HID1: variants seen among roughly 807,000 people sequenced by gnomAD.
The protein encoded by HID1 is protein HID1.
HID1 carries 42 observed loss-of-function variants against 89.7 expected under a neutral mutation model. The ratio of observed to expected loss-of-function variants is 0.47; its 90% CI spans 0.37 to 0.61. The LOEUF (loss-of-function observed/expected upper bound fraction) is 0.61. Ranked by LOEUF, HID1 falls within the 20% of genes least tolerant of loss-of-function variation. The pLI, the probability that HID1 is intolerant of heterozygous loss-of-function variation, is 0.00. For synonymous variants in HID1, 442 were observed against 433.8 expected, an observed-to-expected ratio of 1.02 and a Z score of -0.24; for missense variants, 854 against 1,039.3, an observed-to-expected ratio of 0.82 and a Z score of 2.45.
intron 13 of HID1, among the ~76,000 whole-genome samples, chr17:74,955,220 A>T (rs1345149850): frequency 6.6e-6 from 1 of 152,216 alleles, no homozygotes; most frequent in African/African-American, 2.4e-5. Flanking sequence ...TAAGATACCC[A>T]TCAGGGACTT....
In HID1 at chr17:74,961,931, C is replaced by T. The variant is rs779085194; in HGVS notation, c.670G>A (p.Ala224Thr). The T allele has an allele frequency of 2.1e-5, 33 of 1,603,982 alleles. No homozygotes were observed. The highest frequency in any genetic ancestry group is 2.8e-5 in the Non-Finnish European group (33 of 1,175,194). ...CFSEAMYLPPAPESGSTNPWV... is the reference protein window; with the variant it reads ...CFSEAMYLPPTPESGSTNPWV... ...GGGTTGGTGCTGCCACTTTCCGGAG[C>T]TGGGGGCAGGTACATGGCCTCGGAG... The change falls in exon 6 of 19, where the codon GCT (alanine) becomes ACT (threonine). Residue 224 changes from alanine (A) to threonine (T), a missense_variant. Ala to Thr is a moderately conservative substitution (Grantham distance 58). Coordinates refer to ENST00000425042, the MANE Select transcript of HID1 (RefSeq NM_030630.3).
chr17:74,955,027 C>CA, intron 13 of HID1: 1 of 157,264 alleles, frequency 6.4e-6, no homozygotes, highest in Admixed American at 6.0e-5. Flanking sequence ...GTTATTTTGC[C>CA]CCATCTTCCC....
Position 74,954,367 on chromosome 17 carries a change from T to C in HID1, c.1637-2A>G. The C allele has an allele frequency of 6.4e-7, 1 of 1,560,446 alleles. No individual in the cohort carries two copies. Among genetic ancestry groups the C allele is most frequent in the Non-Finnish European group, 8.7e-7 (1 of 1,152,516 alleles). On this transcript the variant is annotated splice_acceptor_variant, in intron 13 of 18. Transcript: ENST00000425042. LOFTEE classifies it high-confidence loss of function. ...TGGCGTAGACCAGGTTGGAGTTGCC[T>C]GTGGGCAGGGAGCATGCCTCGCCTC...
Position 74,960,142 on chromosome 17 carries a change from G to T in HID1, c.835C>A (p.Pro279Thr). ...NHLLFSDYRE[P>T]LVEEAAQVLI... ...ACCTGGGCAGCCTCCTCCACCAGGG[G>T]TTCCCGGTAGTCAGAGAAGAGCAGG... Residue 279 changes from proline to threonine, a missense_variant, in exon 7 of 19, where the codon CCC (proline) becomes ACC (threonine). Coordinates refer to ENST00000425042, the MANE Select transcript of HID1 (RefSeq NM_030630.3). The T allele has an allele frequency of 6.2e-7, 1 of 1,614,088 alleles. No individual in the cohort carries two copies. Among genetic ancestry groups the T allele is most frequent in the South Asian group, 1.1e-5 (1 of 91,086 alleles).
Position 74,962,179 on chromosome 17 carries a change from G to C in HID1, c.611+55C>G, listed in dbSNP as rs753547809. On this transcript the variant is annotated intron_variant, in intron 5 of 18. Transcript: ENST00000425042. This position sits in a 1 kb window ranked among gnomAD's most constrained non-coding sequence, Gnocchi z 4.3. ...CCCATGGGCTTTCTGAGCTGTGCGG[G>C]GGCCCGGCCCGGGGTCCAGCTGCAT... 4 of 1,455,410 alleles carry C rather than the reference G, an allele frequency of 2.7e-6. No homozygotes were observed. Among genetic ancestry groups the C allele is most frequent in the Non-Finnish European group, 3.8e-6 (4 of 1,051,418 alleles). 90.2% of individuals were successfully genotyped at this position (1,455,410 alleles called of 1,614,324 possible). A position where few individuals can be genotyped will look rare whatever the true frequency, so the allele number is the denominator to read the frequency against.
At chr17:74,969,638 G>A (rs900354171) in intron 1 of HID1, among the ~76,000 whole-genome samples, 47 of 151,966 alleles carry the variant, frequency 3.1e-4, no homozygotes, top group African/African-American at 9.4e-4. Context: ...GTCTTGCTCC[G>A]TTGCCCAGAC....
Position 74,962,439 on chromosome 17 carries a change from G to T in HID1, c.505-99C>A. 1 of 689,286 alleles carries T rather than the reference G, an allele frequency of 1.5e-6. No homozygotes were observed. The highest frequency in any genetic ancestry group is 2.5e-6 in the Non-Finnish European group (1 of 403,686). The allele number at this position is 689,286 out of a possible 1,614,324, so 42.7% of individuals were successfully genotyped here. A position where few individuals can be genotyped will look rare whatever the true frequency, so the allele number is the denominator to read the frequency against. On this transcript the variant is annotated intron_variant, in intron 4 of 18. Coordinates refer to ENST00000425042, the MANE Select transcript of HID1 (RefSeq NM_030630.3). The surrounding 1 kb of genome is among the most constrained non-coding windows in gnomAD (Gnocchi z 4.3). ...CCTCGAGCCTCACACAGTCCCAGGG[G>T]CAGAGACCGCCAGTTCTCCTAAAGA...
Position 74,972,743 on chromosome 17 carries a change from C to G in HID1, c.-87G>C, listed in dbSNP as rs1384347074. 12 of 1,320,898 alleles carry G rather than the reference C, an allele frequency of 9.1e-6. No individual in the cohort carries two copies. The highest frequency in any genetic ancestry group is 3.1e-5 in the African/African-American group (2 of 64,814). 81.8% of individuals were successfully genotyped at this position (1,320,898 alleles called of 1,614,324 possible). A position where few individuals can be genotyped will look rare whatever the true frequency, so the allele number is the denominator to read the frequency against. On this transcript the variant is annotated 5_prime_UTR_variant, in exon 1 of 19. Coordinates refer to ENST00000425042, the MANE Select transcript of HID1 (RefSeq NM_030630.3). The surrounding 1 kb of genome is among the most constrained non-coding windows in gnomAD (Gnocchi z 6.4). Reference sequence around the variant, plus strand: ...TCCGGCTCCAGCTCCGCGGCCCCCGCGGCTCTCGCAGGAGACAAGCGGCGC... The same window carrying G: ...TCCGGCTCCAGCTCCGCGGCCCCCGGGGCTCTCGCAGGAGACAAGCGGCGC...
chr17:74,960,441 T>A (rs12602146), intron 6 of HID1, among the ~76,000 whole-genome samples, 193 bp from the exon 7 acceptor site: 35,606 of 152,192 alleles, frequency 0.23, 5,162 homozygotes, highest in Admixed American at 0.36. Context: ...CTTAGGGTCT[T>A]AAGGGGCAGA....
intron 1 of HID1, among the ~76,000 whole-genome samples, chr17:74,969,254 G>A (rs2039608218): frequency 6.6e-6 from 1 of 152,016 alleles, no homozygotes; most frequent in Admixed American, 6.6e-5. Context: ...GAGTGCAGTG[G>A]TGCAATCTCG....
At position 74,951,642 on chromosome 17, in the gene HID1, G is replaced by A. The variant is rs1195435374; in HGVS notation, c.2304-9C>T. The A allele has an allele frequency of 1.9e-6, 3 of 1,611,064 alleles. No individual in the cohort carries two copies. Among genetic ancestry groups the A allele is most frequent in the Admixed American group, 1.7e-5 (1 of 59,542 alleles). On this transcript the variant is annotated splice_polypyrimidine_tract_variant and intron_variant, in intron 18 of 18. Transcript: ENST00000425042. ...CAGGGGGGTCCACATTCCTGTGGAG[G>A]AAATGGGGGGTTACCCAGGTGCTGG... is the stretch of plus-strand genomic sequence containing the variant.
chr17:74,957,299 C>T (rs570924407), intron 12 of HID1, among the ~76,000 whole-genome samples: 9 of 147,426 alleles, frequency 6.1e-5, no homozygotes, highest in African/African-American at 2.0e-4. Flanking sequence ...CATGGCAAAA[C>T]TCTGTCTCTA....
rs568462378 is a variant in HID1, at chr17:74,962,558, G to C, written c.505-218C>G. 2.6e-5 allele frequency among the ~76,000 whole-genome samples: 4 copies of C among 152,142 alleles called. No homozygotes were observed. Among genetic ancestry groups the C allele is most frequent in the Admixed American group, 2.6e-4 (4 of 15,290 alleles). On this transcript the variant is annotated intron_variant, in intron 4 of 18. Coordinates refer to ENST00000425042, the MANE Select transcript of HID1 (RefSeq NM_030630.3). The surrounding 1 kb of genome is among the most constrained non-coding windows in gnomAD (Gnocchi z 4.3). ...CTCATTTTTCTTCCATCTCAGACTG[G>C]TTCTTTCACTTGCTCAGTCCAGTTT...
intron 1 of HID1, among the ~76,000 whole-genome samples, chr17:74,965,698 C>T (rs2039551904): frequency 6.6e-6 from 1 of 152,124 alleles, no homozygotes; most frequent in African/African-American, 2.4e-5. Flanking sequence ...GTGGGTGGAT[C>T]ACCTGATCAG....
At chr17:74,969,069 T>TA (rs750308876) in intron 1 of HID1, among the ~76,000 whole-genome samples, 9 of 152,300 alleles carry the variant, frequency 5.9e-5, no homozygotes, top group Non-Finnish European at 1.2e-4. Flanking sequence ...AAGCTGATGC[T>TA]ACAGGCATTA....
chr17:74,956,906 G>A (rs2039399549), intron 12 of HID1, among the ~76,000 whole-genome samples: 1 of 152,180 alleles, frequency 6.6e-6, no homozygotes, highest in African/African-American at 2.4e-5. Flanking sequence ...GAAAGGGTGG[G>A]GCCTCCACAT....
intron 1 of HID1, among the ~76,000 whole-genome samples, chr17:74,969,342 C>T (rs1052699831): frequency 1.3e-5 from 2 of 151,970 alleles, no homozygotes; most frequent in Admixed American, 6.6e-5. Flanking sequence ...CCTGCCACGA[C>T]GCCCGGCTAA....
At position 74,953,173 on chromosome 17, in the gene HID1, C is replaced by A. The variant is rs527560635; in HGVS notation, c.1972-87G>T. On this transcript the variant is annotated intron_variant, in intron 15 of 18. Transcript: ENST00000425042. ...GGCAATGAGCCCTCTCCACTGGCAG[C>A]TGGAAATCCCACAAAGGGGAAGGCC... The A allele has an allele frequency of 4.4e-4, 497 of 1,138,118 alleles. 8 individuals are homozygous for A. The South Asian group carries it at 6.7e-3, about 15-fold the overall frequency. The allele number at this position is 1,138,118 out of a possible 1,614,324, so 70.5% of individuals were successfully genotyped here.
At chr17:74,970,325 GA>G (rs1041690662) in intron 1 of HID1, among the ~76,000 whole-genome samples, 3 of 152,318 alleles carry the variant, frequency 2.0e-5, no homozygotes, top group Non-Finnish European at 4.4e-5. Flanking sequence ...TGTGCAGGGG[GA>G]AGGTCCCCTA....
Sources: allele counts gnomAD v4.1 joint callset (sites outside exome capture counted in the v4.1 genomes callset), GRCh38; gene constraint gnomAD v4.1.1; non-coding constraint Gnocchi (gnomAD v3.1); transcripts MANE v1.5; gene names NCBI Gene and HGNC (gene_info 2026-07-23, HGNC 2026-07-21).